The following MAP1LC3B2 variants were observed in gnomAD, a reference collection of about 807,000 sequenced individuals.
The protein encoded by MAP1LC3B2 is microtubule associated protein 1 light chain 3 beta 2, also known as microtubule-associated protein 1 light chain 3 beta 2.
For missense variants in MAP1LC3B2, 155 were observed against 154.6 expected, an observed-to-expected ratio of 1.00 and a Z score of -0.01; for synonymous variants, 62 against 57.8, an observed-to-expected ratio of 1.07 and a Z score of -0.33.
In MAP1LC3B2 at chr12:116,576,165, G is replaced by A. The variant is rs374167158; in HGVS notation, c.223G>A (p.Ala75Thr). 1.2e-6 allele frequency: 2 copies of A among 1,614,124 alleles called. No homozygotes were observed. Among genetic ancestry groups the A allele is most frequent in the Non-Finnish European group, 1.7e-6 (2 of 1,180,012 alleles). Residue 75 changes from alanine (A) to threonine (T), a missense_variant, in exon 2 of 2, where the codon GCT becomes ACT. Transcript: ENST00000556529. Reference sequence around the variant, plus strand: ...AATTAGAAGGCGCTTACAGCTCAATGCTAATCAGGCCTTCTTCCTGTTGGT... The same window carrying A: ...AATTAGAAGGCGCTTACAGCTCAATACTAATCAGGCCTTCTTCCTGTTGGT... ...KIIRRRLQLN[A>T]NQAFFLLVNG...
At chr12:116,571,965 C>CG (rs1869548013) in intron 1 of MAP1LC3B2, among the ~76,000 whole-genome samples, 1 of 136,932 alleles carries the variant, frequency 7.3e-6, no homozygotes, top group Admixed American at 7.2e-5. Flanking sequence ...ATGACCGTTA[C>CG]AAAAAAAAAA....
Position 116,561,778 on chromosome 12 carries a change from T to C in MAP1LC3B2, c.-102+2345T>C, listed in dbSNP as rs541526231. Among the ~76,000 whole-genome samples the C allele has an allele frequency of 3.9e-5, 6 of 152,344 alleles. No individual in the cohort carries two copies. In the East Asian group the frequency reaches 1.2e-3, roughly 29 times the overall value. ...CTCCTCATCTGTCCAATGGAGATAA[T>C]TAGAAAACTTCCCTTACACAGTTGT... On this transcript the variant is annotated intron_variant, in intron 1 of 1. Transcript: ENST00000556529.
At position 116,576,408 on chromosome 12, in the gene MAP1LC3B2, C is replaced by T; in HGVS notation, c.*88C>T. On this transcript the variant is annotated 3_prime_UTR_variant, in exon 2 of 2. Transcript: ENST00000556529. ...TGTTACCAACTGAGATCGATCAGTT[C>T]ATCTAATCACAGATCATCAAACAGT... The T allele has an allele frequency of 6.6e-7, 1 of 1,510,286 alleles. No homozygotes were observed. The highest frequency in any genetic ancestry group is 8.9e-7 in the Non-Finnish European group (1 of 1,121,062). The allele number at this position is 1,510,286 out of a possible 1,614,324, so 93.6% of individuals were successfully genotyped here.
intron 1 of MAP1LC3B2, among the ~76,000 whole-genome samples, chr12:116,567,946 C>T (rs999650290): frequency 3.9e-5 from 6 of 152,014 alleles, no homozygotes; most frequent in African/African-American, 1.2e-4. Flanking sequence ...AAAGGACAAA[C>T]GATCATGTTC....
In MAP1LC3B2 at chr12:116,576,268, T is replaced by C. The variant is rs772840615; in HGVS notation, c.326T>C (p.Leu109Pro). ...YESEKDEDGF[L>P]YMVCASQETF... ...AGTGAGAAAGATGAAGATGGATTCC[T>C]GTACATGGTCTGTGCCTCCCAGGAG... The change falls in exon 2 of 2, where the codon CTG becomes CCG. Residue 109 changes from leucine to proline, a missense_variant. By Grantham distance (98) the Leu-to-Pro change is moderately conservative. Coordinates refer to ENST00000556529, the MANE Select transcript of MAP1LC3B2 (RefSeq NM_001085481.3). 4 of 1,614,178 alleles carry C rather than the reference T, an allele frequency of 2.5e-6. No homozygotes were observed. Among genetic ancestry groups the C allele is most frequent in the Non-Finnish European group, 3.4e-6 (4 of 1,180,038 alleles).
rs112327450 is a variant in MAP1LC3B2 at position 116,576,502 on chromosome 12, A to C, written c.*182A>C. ...AAGCAGAAAAACTGAGCTCCAAGTG[A>C]GCACATTCAGCTTTGGAAACTATAT... On this transcript the variant is annotated 3_prime_UTR_variant, in exon 2 of 2. Coordinates refer to ENST00000556529, the MANE Select transcript of MAP1LC3B2 (RefSeq NM_001085481.3). 1.8e-5 allele frequency: 12 copies of C among 685,226 alleles called. No homozygotes were observed. The highest frequency in any genetic ancestry group is 6.3e-5 in the Admixed American group (2 of 31,502). 42.4% of individuals were successfully genotyped at this position (685,226 alleles called of 1,614,324 possible). A position where few individuals can be genotyped will look rare whatever the true frequency, so the allele number is the denominator to read the frequency against.
At chr12:116,568,952 T>C (rs924150202) in intron 1 of MAP1LC3B2, among the ~76,000 whole-genome samples, 5 of 150,878 alleles carry the variant, frequency 3.3e-5, no homozygotes, top group African/African-American at 1.2e-4. Flanking sequence ...CTTCGCCTCC[T>C]GGGTTCACGC....
intron 1 of MAP1LC3B2, among the ~76,000 whole-genome samples, chr12:116,574,115 C>G (rs1044222501): frequency 6.6e-6 from 1 of 152,086 alleles, no homozygotes; most frequent in South Asian, 2.1e-4. Flanking sequence ...GGAAAATCAA[C>G]TTGGTATTTT....
At chr12:116,567,224 T>C (rs557451046) in intron 1 of MAP1LC3B2, among the ~76,000 whole-genome samples, 1 of 152,200 alleles carries the variant, frequency 6.6e-6, no homozygotes, top group South Asian at 2.1e-4. Context: ...AAGCACCTCC[T>C]ATCCCATGGC....
Position 116,576,311 on chromosome 12 carries a change from G to A in MAP1LC3B2, c.369G>A (p.Leu123=), listed in dbSNP as rs561512166. Residue 123 remains leucine (L), a synonymous_variant, in exon 2 of 2, where the codon TTG becomes TTA. Coordinates refer to ENST00000556529, the MANE Select transcript of MAP1LC3B2 (RefSeq NM_001085481.3). ...CASQETFGMK[L]SV is the part of the protein sequence containing the mutation. ...CCCAGGAGACGTTCGGGATGAAATT[G>A]TCAGTGTAAAACCAGAAAAAATGCA... is the stretch of plus-strand genomic sequence containing the variant. 3.7e-6 allele frequency: 6 copies of A among 1,613,654 alleles called. No individual in the cohort carries two copies. The East Asian group carries it at 1.3e-4, about 36-fold the overall frequency.
chr12:116,568,954 G>T (rs576402206), intron 1 of MAP1LC3B2, among the ~76,000 whole-genome samples: 1 of 150,676 alleles, frequency 6.6e-6, no homozygotes, highest in East Asian at 2.0e-4. Context: ...TCGCCTCCTG[G>T]GTTCACGCCA....
At chr12:116,572,775 A>C (rs16946824) in intron 1 of MAP1LC3B2, among the ~76,000 whole-genome samples, 3,820 of 152,324 alleles carry the variant, frequency 0.025, 149 homozygotes, top group African/African-American at 0.083. Flanking sequence ...ATCGGTGATT[A>C]AGTACATAGA....
chr12:116,569,472 C>G (rs1277903043), intron 1 of MAP1LC3B2, among the ~76,000 whole-genome samples: 2 of 152,170 alleles, frequency 1.3e-5, no homozygotes, highest in Non-Finnish European at 2.9e-5. Flanking sequence ...TGGCAATGTA[C>G]TTAACATCTG....
chr12:116,576,347 A>G lies in MAP1LC3B2; in HGVS notation c.*27A>G, dbSNP rs768709696. The G allele has an allele frequency of 6.3e-7, 1 of 1,593,872 alleles. No homozygotes were observed. On this transcript the variant is annotated 3_prime_UTR_variant, in exon 2 of 2. Coordinates refer to ENST00000556529, the MANE Select transcript of MAP1LC3B2 (RefSeq NM_001085481.3). ...ACCAGAAAAAATGCATCTCTTCTAG[A>G]ATTTTTTAAACCCTTACCAAGGAAA... is the stretch of plus-strand genomic sequence containing the variant.
chr12:116,565,104 C>T (rs1468246023), intron 1 of MAP1LC3B2, among the ~76,000 whole-genome samples: 1 of 152,124 alleles, frequency 6.6e-6, no homozygotes, highest in Non-Finnish European at 1.5e-5. Context: ...AAAAAAGGAA[C>T]ATATTGGAAG....
At chr12:116,560,186 G>A (rs990204628) in intron 1 of MAP1LC3B2, 11 of 97,766 alleles carry the variant, frequency 1.1e-4, no homozygotes, top group Admixed American at 2.2e-4. Flanking sequence ...AGCTAAGTTT[G>A]GCTATATATA....
Position 116,570,053 on chromosome 12 carries a change from AAAAAT to A in MAP1LC3B2, c.-101-5768_-101-5764del, listed in dbSNP as rs1270262164. 5.9e-5 allele frequency among the ~76,000 whole-genome samples: 9 copies of A among 152,228 alleles called. 1 individual carries two copies. The highest frequency in any genetic ancestry group is 1.4e-4 in the African/African-American group (6 of 41,540). The stretch of plus-strand genomic sequence containing the variant: ...TGGCCACAGAGTGAGACTCCATCTC[AAAAAT>A]AAAATAAAATAAAATAAAATCACTA... On this transcript the variant is annotated intron_variant, in intron 1 of 1. Coordinates refer to ENST00000556529, the MANE Select transcript of MAP1LC3B2 (RefSeq NM_001085481.3).
chr12:116,568,037 T>A (rs970001324), intron 1 of MAP1LC3B2, among the ~76,000 whole-genome samples: 3 of 152,168 alleles, frequency 2.0e-5, no homozygotes, highest in Non-Finnish European at 4.4e-5. Context: ...GAAAGAATGA[T>A]TAAGTGAGTA....
At position 116,575,971 on chromosome 12, in the gene MAP1LC3B2, G is replaced by A. The variant is rs368457113; in HGVS notation, c.29G>A (p.Arg10Gln). 52 of 1,614,158 alleles carry A rather than the reference G, an allele frequency of 3.2e-5. No homozygotes were observed. In the African/African-American group the frequency reaches 6.1e-4, roughly 19 times the overall value. ...CCGTCGGAGAAGACCTTCAAGCAGC[G>A]GCGCACCTTCGAACAAAGAGTAGAA... is the stretch of plus-strand genomic sequence containing the variant. MPSEKTFKQRRTFEQRVEDV... is the reference protein window; with the variant it reads MPSEKTFKQQRTFEQRVEDV... Residue 10 changes from arginine (R) to glutamine (Q), a missense_variant, in exon 2 of 2, where the codon CGG becomes CAG. Transcript: ENST00000556529.
Sources: allele counts gnomAD v4.1 joint callset (sites outside exome capture counted in the v4.1 genomes callset), GRCh38; gene constraint gnomAD v4.1.1; transcripts MANE v1.5; gene names NCBI Gene and HGNC (gene_info 2026-07-23, HGNC 2026-07-21).